Variants in WIPI2 observed in about 807,000 individuals in gnomAD.
WIPI2 encodes the protein WD repeat domain, phosphoinositide interacting 2.
A neutral mutation model predicts 52.3 loss-of-function variants in WIPI2; 28 were observed. The ratio of observed to expected loss-of-function variants is 0.54; its 90% CI spans 0.40 to 0.73. The LOEUF is 0.73. Among genes scored for constraint, WIPI2 ranks in the 30% least tolerant of loss-of-function variants. WIPI2 has a pLI of 0.00. For synonymous variants in WIPI2, 268 were observed against 245.0 expected (o/e 1.09, Z -0.88); for missense variants, 506 against 602.9 (o/e 0.84, Z 1.68).
intron 11 of WIPI2, among the ~76,000 whole-genome samples, chr7:5,229,151 G>A (rs918247286): frequency 6.6e-5 from 10 of 152,218 alleles, no homozygotes; most frequent in Admixed American, 6.5e-4. Context: ...GAGTAGCTGG[G>A]ATGACAGGTG....
chr7:5,219,788 A>G (rs550474443), intron 7 of WIPI2, among the ~76,000 whole-genome samples: 1 of 151,950 alleles, frequency 6.6e-6, no homozygotes, highest in Non-Finnish European at 1.5e-5. Context: ...TTACAAGCTC[A>G]GTTTGTGTCC....
At chr7:5,194,965 C>A (rs1259711057) in intron 2 of WIPI2, among the ~76,000 whole-genome samples, 1 of 151,998 alleles carries the variant, frequency 6.6e-6, no homozygotes, top group Non-Finnish European at 1.5e-5. Context: ...CAGAGGCGGG[C>A]TTGTGGGGCC....
At chr7:5,203,475 A>G (rs1782131260) in intron 3 of WIPI2, among the ~76,000 whole-genome samples, 1 of 152,172 alleles carries the variant, frequency 6.6e-6, no homozygotes. Flanking sequence ...ATTCTTTTTT[A>G]AATCAAGTAA....
At chr7:5,220,581 A>G (rs895008200) in intron 7 of WIPI2, among the ~76,000 whole-genome samples, 6 of 151,946 alleles carry the variant, frequency 3.9e-5, no homozygotes, top group Admixed American at 6.6e-5. Flanking sequence ...CAGTGGCATG[A>G]TCATGGCTCA....
intron 3 of WIPI2, among the ~76,000 whole-genome samples, chr7:5,203,591 A>G (rs1782136578): frequency 6.8e-6 from 1 of 148,036 alleles, no homozygotes; most frequent in Admixed American, 6.7e-5. Flanking sequence ...TCATTCCTCC[A>G]GTGGGATGGA....
intron 3 of WIPI2, among the ~76,000 whole-genome samples, chr7:5,204,605 A>G (rs1782200763): frequency 6.6e-6 from 1 of 152,210 alleles, no homozygotes; most frequent in Non-Finnish European, 1.5e-5. Context: ...TATTCCTGAA[A>G]AGATCTAGTC....
In WIPI2 at chr7:5,190,522, G is replaced by C. The variant is rs1021892687; in HGVS notation, c.74+29G>C. ...AGGCCGGGGTCGGGGGTCGGAGTCG[G>C]GGTGAGGCCAGGGTCGGACCCGGGC... is the stretch of plus-strand genomic sequence containing the variant. On this transcript the variant is annotated intron_variant, in intron 1 of 12. Transcript: ENST00000288828. The C allele has an allele frequency of 2.0e-6, 3 of 1,480,532 alleles. No individual in the cohort carries two copies. In the African/African-American group the frequency reaches 4.4e-5, roughly 21 times the overall value. 91.7% of individuals were successfully genotyped at this position (1,480,532 alleles called of 1,614,324 possible). A position where few individuals can be genotyped will look rare whatever the true frequency, so the allele number is the denominator to read the frequency against.
intron 8 of WIPI2, chr7:5,222,944 G>A (rs559926659): frequency 2.5e-4 from 101 of 403,866 alleles, no homozygotes; most frequent in Non-Finnish European, 3.3e-4. Flanking sequence ...TCCAGTGCCC[G>A]GCAGCTCCCA....
At chr7:5,195,855 A>G (rs1324067482) in intron 2 of WIPI2, among the ~76,000 whole-genome samples, 1 of 152,122 alleles carries the variant, frequency 6.6e-6, no homozygotes, top group Non-Finnish European at 1.5e-5. Context: ...CCTGGCCAAG[A>G]TGGTGAAACT....
chr7:5,231,696 A>G lies in WIPI2; in HGVS notation c.*749A>G, dbSNP rs1783730043. The G allele has an allele frequency of 6.5e-6, 1 of 152,994 alleles. No individual in the cohort carries two copies. Among genetic ancestry groups the G allele is most frequent in the African/African-American group, 2.4e-5 (1 of 41,434 alleles). 9.5% of individuals were successfully genotyped at this position (152,994 alleles called of 1,614,324 possible). ...AGCAAAGGAAAGCGATTTTGTTTGT[A>G]TAATTAAATGATCTGTTCTTCTACT... is the stretch of plus-strand genomic sequence containing the variant. On this transcript the variant is annotated 3_prime_UTR_variant, in exon 13 of 13. Coordinates refer to ENST00000288828, the MANE Select transcript of WIPI2 (RefSeq NM_015610.4).
intron 2 of WIPI2, among the ~76,000 whole-genome samples, chr7:5,194,728 G>A (rs1028305795): frequency 2.6e-5 from 4 of 152,120 alleles, no homozygotes; most frequent in African/African-American, 9.7e-5. Context: ...TCCCGCCTGG[G>A]TAGCTCAGAT....
At chr7:5,217,634 A>G (rs1782885147) in intron 6 of WIPI2, 2 of 450,002 alleles carry the variant, frequency 4.4e-6, no homozygotes, top group South Asian at 2.2e-5. Flanking sequence ...GGTCTGGCTC[A>G]TTCTGCTTCT....
At chr7:5,214,794 A>ATT in intron 4 of WIPI2, 90 bp downstream of exon 4, 1 of 1,459,288 alleles carries the variant, frequency 6.9e-7, no homozygotes, top group Non-Finnish European at 9.4e-7. Flanking sequence ...CCCCTCCGTC[A>ATT]TTCCCTTGCT....
At position 5,231,840 on chromosome 7, in the gene WIPI2, C is replaced by T. The variant is rs1158549710; in HGVS notation, c.*893C>T. 3 of 214,508 alleles carry T rather than the reference C, an allele frequency of 1.4e-5. No individual in the cohort carries two copies. The highest frequency in any genetic ancestry group is 2.3e-5 in the African/African-American group (1 of 43,802). The allele number at this position is 214,508 out of a possible 1,614,324, so 13.3% of individuals were successfully genotyped here. On this transcript the variant is annotated 3_prime_UTR_variant, in exon 13 of 13. Coordinates refer to ENST00000288828, the MANE Select transcript of WIPI2 (RefSeq NM_015610.4). Reference sequence around the variant, plus strand: ...GTGGTGGCCGTCTGAGCTGTCCTTTCGCTGGCCCCGCTGTCCGCAGGGGCT... The same window carrying T: ...GTGGTGGCCGTCTGAGCTGTCCTTTTGCTGGCCCCGCTGTCCGCAGGGGCT...
intron 2 of WIPI2, chr7:5,193,484 T>A (rs1030055545): frequency 5.9e-6 from 3 of 508,612 alleles, no homozygotes; most frequent in Non-Finnish European, 9.2e-6. Flanking sequence ...AACCTGTTGT[T>A]TTCTTCCACC....
At chr7:5,210,351 G>A (rs1377089172) in intron 3 of WIPI2, among the ~76,000 whole-genome samples, 2 of 152,200 alleles carry the variant, frequency 1.3e-5, no homozygotes, top group Admixed American at 6.5e-5. Context: ...CTCAGGGGAC[G>A]TGTCTCATTT....
intron 8 of WIPI2, among the ~76,000 whole-genome samples, 183 bp from the exon 9 acceptor site, chr7:5,225,640 A>C (rs929132912): frequency 6.6e-6 from 1 of 152,162 alleles, no homozygotes; most frequent in Non-Finnish European, 1.5e-5. Flanking sequence ...AATTGTTCTT[A>C]GTATTTCCTT....
At chr7:5,206,399 T>C (rs1312957913) in intron 3 of WIPI2, among the ~76,000 whole-genome samples, 1 of 152,236 alleles carries the variant, frequency 6.6e-6, no homozygotes. Flanking sequence ...TTTGTTGGAT[T>C]AGGTGTTGAG....
chr7:5,200,429 A>G (rs1267433887), intron 3 of WIPI2, among the ~76,000 whole-genome samples: 4 of 152,162 alleles, frequency 2.6e-5, no homozygotes, highest in Non-Finnish European at 5.9e-5. Context: ...TGTTCTTCCC[A>G]GTGTAACATC....
Sources: allele counts gnomAD v4.1 joint callset (sites outside exome capture counted in the v4.1 genomes callset), GRCh38; gene constraint gnomAD v4.1.1; transcripts MANE v1.5; gene names NCBI Gene and HGNC (gene_info 2026-07-23, HGNC 2026-07-21).